The following RSPO2 variants were observed in gnomAD, a reference collection of about 807,000 sequenced individuals.
The protein encoded by RSPO2 is R-spondin-2.
In RSPO2, 14 loss-of-function variants were observed where a neutral mutation model predicts 30.9. The ratio of observed to expected loss-of-function variants is 0.45; its 90% CI spans 0.30 to 0.71. The LOEUF (loss-of-function observed/expected upper bound fraction) is 0.71. RSPO2 is among the 30% of genes least tolerant of loss of function. RSPO2 has a pLI of 0.08. For synonymous variants in RSPO2, 107 were observed against 96.4 expected (o/e 1.11, Z -0.64); for missense variants, 264 against 301.9 (o/e 0.87, Z 0.93).
intron 3 of RSPO2, among the ~76,000 whole-genome samples, chr8:107,977,700 A>G (rs1814266801): frequency 6.6e-6 from 1 of 152,142 alleles, no homozygotes; most frequent in South Asian, 2.1e-4. Context: ...AATTTTCCCA[A>G]TATATGGCCC....
At chr8:107,984,698 A>G (rs1814566011) in intron 3 of RSPO2, among the ~76,000 whole-genome samples, 1 of 152,242 alleles carries the variant, frequency 6.6e-6, no homozygotes, top group African/African-American at 2.4e-5. Context: ...GTTTTTAATG[A>G]TGCAAGAGTG....
At chr8:108,030,348 G>T (rs968093113) in intron 2 of RSPO2, among the ~76,000 whole-genome samples, 2 of 152,148 alleles carry the variant, frequency 1.3e-5, no homozygotes, top group African/African-American at 4.8e-5. Context: ...GCATGGCCCT[G>T]ACAGTAGCAA....
chr8:107,902,676 C>T (rs942056231), intron 5 of RSPO2, among the ~76,000 whole-genome samples: 16 of 152,178 alleles, frequency 1.1e-4, no homozygotes, highest in East Asian at 3.9e-4. Flanking sequence ...GGATGGAAAA[C>T]AGGCTTACTC....
chr8:107,994,603 T>C (rs1247259624), intron 2 of RSPO2, among the ~76,000 whole-genome samples: 3 of 152,276 alleles, frequency 2.0e-5, no homozygotes, highest in African/African-American at 7.2e-5. Context: ...TCTGAAATAT[T>C]ATAATTTCTA....
chr8:107,993,006 T>C (rs879554326), intron 2 of RSPO2, among the ~76,000 whole-genome samples: 12 of 152,140 alleles, frequency 7.9e-5, no homozygotes, highest in Non-Finnish European at 1.5e-4. Flanking sequence ...CAAGCTATAG[T>C]GATCACACCA....
chr8:107,949,918 T>C (rs1263140185), intron 5 of RSPO2, among the ~76,000 whole-genome samples: 5 of 152,184 alleles, frequency 3.3e-5, no homozygotes, highest in Non-Finnish European at 7.3e-5. Flanking sequence ...TTGAGTCAAG[T>C]TCATAGTCAC....
intron 2 of RSPO2, among the ~76,000 whole-genome samples, chr8:108,030,335 C>T (rs1811382089): frequency 1.3e-5 from 2 of 152,192 alleles, no homozygotes; most frequent in South Asian, 2.1e-4. Flanking sequence ...TATCTGGAAG[C>T]CAGCATGGCC....
intron 2 of RSPO2, among the ~76,000 whole-genome samples, chr8:107,999,364 C>CT (rs762837390): frequency 0.27 from 28,614 of 106,118 alleles, 3,249 homozygotes; most frequent in Middle Eastern, 0.33. Flanking sequence ...GATTAAAGGT[C>CT]TTAGATCATT....
At chr8:107,918,092 T>G (rs1029666795) in intron 5 of RSPO2, among the ~76,000 whole-genome samples, 1 of 152,202 alleles carries the variant, frequency 6.6e-6, no homozygotes, top group Non-Finnish European at 1.5e-5. Flanking sequence ...GTTAATTGAA[T>G]GGACTGAACT....
chr8:108,069,626 C>T (rs1298889648), intron 2 of RSPO2, among the ~76,000 whole-genome samples: 1 of 152,184 alleles, frequency 6.6e-6, no homozygotes, highest in African/African-American at 2.4e-5. Flanking sequence ...ATCCCACATC[C>T]TAAATGTCCT....
At chr8:108,018,685 G>A (rs1810968158) in intron 2 of RSPO2, among the ~76,000 whole-genome samples, 1 of 152,140 alleles carries the variant, frequency 6.6e-6, no homozygotes, top group Admixed American at 6.5e-5. Context: ...GCACATGATA[G>A]AAAATCTGGA....
intron 2 of RSPO2, among the ~76,000 whole-genome samples, chr8:108,059,931 A>C (rs1409519645): frequency 4.0e-5 from 6 of 151,176 alleles, no homozygotes; most frequent in Non-Finnish European, 7.4e-5. Flanking sequence ...GCAGCACACC[A>C]GCATGGCACA....
At chr8:107,925,521 G>A (rs985379539) in intron 5 of RSPO2, among the ~76,000 whole-genome samples, 6 of 151,458 alleles carry the variant, frequency 4.0e-5, no homozygotes, top group African/African-American at 7.3e-5. Context: ...CATCATTTAC[G>A]TTAGGTATTT....
chr8:107,975,120 A>G (rs1385500517), intron 3 of RSPO2, among the ~76,000 whole-genome samples: 2 of 152,226 alleles, frequency 1.3e-5, no homozygotes, highest in African/African-American at 2.4e-5. Context: ...GTCCCATGAT[A>G]AATAGTGGCC....
chr8:107,949,018 GT>G (rs200546468), intron 5 of RSPO2, among the ~76,000 whole-genome samples: 2 of 149,716 alleles, frequency 1.3e-5, no homozygotes, highest in Non-Finnish European at 3.0e-5. Flanking sequence ...ACCTGGGGAG[GT>G]TTTTCCCCCT....
intron 5 of RSPO2, among the ~76,000 whole-genome samples, chr8:107,918,130 T>A (rs1586540729): frequency 1.3e-5 from 2 of 152,162 alleles, no homozygotes. Flanking sequence ...TTTTAAAAAC[T>A]TTTTTGCTTA....
chr8:108,031,918 T>C (rs1811435591), intron 2 of RSPO2, among the ~76,000 whole-genome samples: 1 of 152,218 alleles, frequency 6.6e-6, no homozygotes, highest in South Asian at 2.1e-4. Flanking sequence ...CACAATTAGT[T>C]GTCCCACCAG....
At chr8:108,003,287 ATATATATATATATATATATATATATTTTT>A (rs1815318700) in intron 2 of RSPO2, among the ~76,000 whole-genome samples, 1 of 25,982 alleles carries the variant, frequency 3.8e-5, no homozygotes, top group Non-Finnish European at 7.7e-5. Context: ...GTATATATAT[ATATATATATATATATATATATATATTTTT>A]TTTTTTTTTT....
intron 5 of RSPO2, among the ~76,000 whole-genome samples, chr8:107,910,074 T>C (rs1404999782): frequency 1.3e-5 from 2 of 152,126 alleles, no homozygotes; most frequent in Admixed American, 6.6e-5. Flanking sequence ...GATTCAGCTG[T>C]TTTCATTTGA....
Sources: allele counts gnomAD v4.1 joint callset (sites outside exome capture counted in the v4.1 genomes callset), GRCh38; gene constraint gnomAD v4.1.1; transcripts MANE v1.5; gene names NCBI Gene and HGNC (gene_info 2026-07-23, HGNC 2026-07-21).